The following WT1 variants were observed in gnomAD, a reference collection of about 807,000 sequenced individuals.
WT1 encodes WT1 transcription factor.
WT1 carries 8 observed loss-of-function variants against 60.8 expected under a neutral mutation model. The ratio of observed to expected loss-of-function variants is 0.13; its 90% CI spans 0.08 to 0.24. The LOEUF (loss-of-function observed/expected upper bound fraction) is 0.24, where lower values mean the gene tolerates loss of function less well. Ranked by LOEUF, WT1 falls within the 10% of genes least tolerant of loss-of-function variation. The pLI, the probability that WT1 is intolerant of heterozygous loss-of-function variation, is 1.00. For synonymous variants in WT1, 312 were observed against 297.1 expected, an observed-to-expected ratio of 1.05 and a Z score of -0.52; for missense variants, 568 against 711.8, an observed-to-expected ratio of 0.80 and a Z score of 2.30.
intron 1 of WT1, among the ~76,000 whole-genome samples, chr11:32,432,342 G>A (rs1853340668): frequency 6.6e-6 from 1 of 152,154 alleles, no homozygotes; most frequent in Non-Finnish European, 1.5e-5. Context: ...CAAGTCTTGG[G>A]CCAGGCCCTG....
chr11:32,410,377 AT>A (rs1200667011), intron 5 of WT1, among the ~76,000 whole-genome samples: 1 of 152,054 alleles, frequency 6.6e-6, no homozygotes, highest in African/African-American at 2.4e-5. Context: ...CTAGAACCCC[AT>A]TTTTTTGCTC....
At chr11:32,428,375 A>G (rs1233234547) in intron 2 of WT1, 122 bp downstream of exon 2, 1 of 1,525,826 alleles carries the variant, frequency 6.6e-7, no homozygotes, top group Admixed American at 1.9e-5. Context: ...TGGGGTAATG[A>G]TTTCTAAGGT....
In WT1 at chr11:32,396,339, G is replaced by A. The variant is rs147939483; in HGVS notation, c.1182C>T (p.Arg394=). 701 of 1,614,054 alleles carry A rather than the reference G, an allele frequency of 4.3e-4. No homozygotes were observed. Among genetic ancestry groups the A allele is most frequent in the Non-Finnish European group, 5.6e-4 (661 of 1,180,056 alleles). The change falls in exon 7 of 10, where the codon CGC becomes CGT. Residue 394 remains arginine, a synonymous_variant. Coordinates refer to ENST00000452863, the MANE Select transcript of WT1 (RefSeq NM_024426.6). ...AGCCTGGGTAAGCACACATGAAGGG[G>A]CGTTTCTCACTGGTCTCAGATGCCG...
intron 5 of WT1, among the ~76,000 whole-genome samples, chr11:32,411,068 T>TAC (rs10525221): frequency 0.011 from 1,634 of 145,756 alleles, 24 homozygotes; most frequent in African/African-American, 0.029. Context: ...CCCTCTCCAA[T>TAC]ACACACACAC....
At position 32,434,702 on chromosome 11, in the gene WT1, T is replaced by C. The variant is rs1554946409; in HGVS notation, c.659A>G (p.Gln220Arg). The C allele has an allele frequency of 6.2e-7, 1 of 1,612,930 alleles. No individual in the cohort carries two copies. The highest frequency in any genetic ancestry group is 8.5e-7 in the Non-Finnish European group (1 of 1,179,940). Residue 220 changes from glutamine to arginine, a missense_variant and splice_region_variant, in exon 1 of 10, where the codon CAG (glutamine) becomes CGG (arginine). Transcript: ENST00000452863. ...GGGGCGCTCCCCGGCCTACTTACCC[T>C]GATTGCGAATAGCGGGCTGGCTCTC... is the stretch of plus-strand genomic sequence containing the variant.
At chr11:32,428,698 C>T (rs905233609) in intron 1 of WT1, 79 bp from the exon 2 acceptor site, 5 of 1,528,580 alleles carry the variant, frequency 3.3e-6, no homozygotes, top group Non-Finnish European at 4.4e-6. Flanking sequence ...CAGCCACGGG[C>T]GGGGGGGGTG....
intron 1 of WT1, chr11:32,430,685 C>T: frequency 7.0e-7 from 1 of 1,425,228 alleles, no homozygotes; most frequent in Non-Finnish European, 9.1e-7. Context: ...AGAACTCGGG[C>T]CCAAGGATGC....
chr11:32,417,807 T>C (rs1852726842), intron 3 of WT1, among the ~76,000 whole-genome samples, 153 bp from the exon 4 acceptor site: 1 of 152,232 alleles, frequency 6.6e-6, no homozygotes, highest in Non-Finnish European at 1.5e-5. Context: ...TATTTTCATT[T>C]CATCCCACTG....
chr11:32,394,664 A>T (rs191486182), intron 7 of WT1, among the ~76,000 whole-genome samples: 236 of 152,334 alleles, frequency 1.5e-3, no homozygotes, highest in Middle Eastern at 6.8e-3. Context: ...TACTTAATAT[A>T]ACAGTCTGTA....
chr11:32,416,615 C>T (rs1197279138), intron 4 of WT1, 75 bp from the exon 5 acceptor site: 7 of 1,571,654 alleles, frequency 4.5e-6, no homozygotes, highest in Non-Finnish European at 5.2e-6. Context: ...ATCCCAGAAT[C>T]CAGTGAAAAG....
At position 32,388,679 on chromosome 11, in the gene WT1, A is replaced by G. The variant is rs746694121; in HGVS notation, c.*379T>C. On this transcript the variant is annotated 3_prime_UTR_variant, in exon 10 of 10. Coordinates refer to ENST00000452863, the MANE Select transcript of WT1 (RefSeq NM_024426.6). The stretch of plus-strand genomic sequence containing the variant: ...ACATGCCCTGGCCTATAAATATTCC[A>G]TGATAGAAAATGGTACAATAATTCC... 5.5e-6 allele frequency: 2 copies of G among 363,944 alleles called. No individual in the cohort carries two copies. Among genetic ancestry groups the G allele is most frequent in the African/African-American group, 4.0e-5 (2 of 50,102 alleles). The allele number at this position is 363,944 out of a possible 1,614,324, so 22.5% of individuals were successfully genotyped here.
At chr11:32,399,156 CAA>C (rs890562481) in intron 6 of WT1, among the ~76,000 whole-genome samples, 15 of 54,304 alleles carry the variant, frequency 2.8e-4, no homozygotes, top group Admixed American at 9.4e-4. Flanking sequence ...ACTCCCATCT[CAA>C]AAAAAAAAAA....
intron 7 of WT1, among the ~76,000 whole-genome samples, chr11:32,394,478 T>G (rs2132930398): frequency 6.6e-6 from 1 of 152,300 alleles, no homozygotes. Flanking sequence ...CACTTTTCAT[T>G]TCTTTATATC....
chr11:32,409,366 G>GA (rs1470393462), intron 5 of WT1, among the ~76,000 whole-genome samples: 4 of 151,856 alleles, frequency 2.6e-5, no homozygotes, highest in Admixed American at 6.6e-5. Context: ...ATATCTGACA[G>GA]AAAAAAACCA....
chr11:32,409,084 C>T (rs947310082), intron 5 of WT1, among the ~76,000 whole-genome samples: 20 of 152,234 alleles, frequency 1.3e-4, no homozygotes, highest in Admixed American at 5.2e-4. Context: ...CTTATCAGAT[C>T]TTATTTGGGG....
At chr11:32,397,262 T>A (rs1181845711) in intron 6 of WT1, among the ~76,000 whole-genome samples, 1 of 152,208 alleles carries the variant, frequency 6.6e-6, no homozygotes, top group South Asian at 2.1e-4. Context: ...CCTTTATAGA[T>A]GAGTAAATCA....
chr11:32,433,448 C>G (rs947770063), intron 1 of WT1, among the ~76,000 whole-genome samples: 1 of 152,214 alleles, frequency 6.6e-6, no homozygotes, highest in African/African-American at 2.4e-5. Flanking sequence ...AGGCGGGCAA[C>G]AAGGGCAGAG....
chr11:32,435,387 C>A lies in WT1; in HGVS notation c.-27G>T. 8.1e-7 allele frequency: 1 copy of A among 1,227,246 alleles called. No homozygotes were observed. The highest frequency in any genetic ancestry group is 1.0e-6 in the Non-Finnish European group (1 of 957,726). The allele number at this position is 1,227,246 out of a possible 1,614,324, so 76.0% of individuals were successfully genotyped here. On this transcript the variant is annotated 5_prime_UTR_variant, in exon 1 of 10. Transcript: ENST00000452863. ...ATCGCGGCGAGGAGACGGCGGGGCC[C>A]GGGCGCCTGGGCTGCCGTCCCGGCT...
intron 3 of WT1, among the ~76,000 whole-genome samples, chr11:32,420,680 T>TATA (rs1224608865): frequency 2.6e-5 from 4 of 151,936 alleles, no homozygotes; most frequent in South Asian, 2.1e-4. Context: ...TTACCATTTA[T>TATA]ATAATAATAA....
Sources: gnomAD v4.1 joint callset for allele counts (sites outside exome capture counted in the v4.1 genomes callset) on GRCh38, gnomAD v4.1.1 for gene constraint, MANE v1.5 for transcripts, NCBI Gene and HGNC (gene_info 2026-07-23, HGNC 2026-07-21) for gene names.